Variants in MS4A5 observed in about 807,000 individuals in gnomAD.
The protein encoded by MS4A5 is membrane-spanning 4-domains subfamily A member 5.
In MS4A5, 15 loss-of-function variants were observed where a neutral mutation model predicts 18.2. The ratio of observed to expected loss-of-function variants is 0.83; its 90% confidence interval spans 0.55 to 1.27. The LOEUF is 1.27. Ranked by LOEUF, MS4A5 falls within the 50% of genes most tolerant of loss-of-function variation. MS4A5 has a pLI of 0.00. For synonymous variants in MS4A5, 89 were observed against 78.7 expected, an observed-to-expected ratio of 1.13 and a Z score of -0.69; for missense variants, 232 against 225.7, an observed-to-expected ratio of 1.03 and a Z score of -0.18.
intron 4 of MS4A5, among the ~76,000 whole-genome samples, chr11:60,442,277 A>C (rs1191923509): frequency 1.3e-5 from 2 of 152,248 alleles, no homozygotes; most frequent in Non-Finnish European, 2.9e-5. Flanking sequence ...TAGCTAATTA[A>C]CAAAGGCATT....
chr11:60,445,034 C>G (rs2086131982), intron 4 of MS4A5, among the ~76,000 whole-genome samples: 1 of 152,102 alleles, frequency 6.6e-6, no homozygotes, highest in South Asian at 2.1e-4. Context: ...AAAAGAACAA[C>G]CTACTGACAC....
At chr11:60,429,867 G>C (rs147966027) in intron 1 of MS4A5, 40 bp downstream of exon 1, 2 of 1,580,596 alleles carry the variant, frequency 1.3e-6, no homozygotes, top group Non-Finnish European at 8.6e-7. Context: ...TACTGAGGCA[G>C]GGGAAAGGCT....
Position 60,447,053 on chromosome 11 carries a change from CATGCT to C in MS4A5, c.493-578_493-574del, listed in dbSNP as rs1283989337. Among the ~76,000 whole-genome samples the C allele has an allele frequency of 5.0e-5, 7 of 139,408 alleles. No homozygotes were observed. The South Asian group carries it at 1.4e-3, about 27-fold the overall frequency. The allele number at this position is 139,408 out of a possible 152,430, so 91.5% of individuals were successfully genotyped here. On this transcript the variant is annotated intron_variant, in intron 4 of 4. Transcript: ENST00000300190. ...TATGCTATGCTATGCTATGCTATCC[CATGCT>C]ATGCTATGCTATGCTATCCTATGCT...
intron 4 of MS4A5, chr11:60,435,521 C>A (rs4245223): frequency 1.1e-3 from 434 of 384,532 alleles, no homozygotes; most frequent in African/African-American, 5.0e-3. Flanking sequence ...CTGAGGTACC[C>A]GGTTCATCTC....
In MS4A5 at chr11:60,430,777, CT is replaced by C. The variant is rs2086044361; in HGVS notation, c.154-14del. 1.2e-6 allele frequency: 2 copies of C among 1,607,826 alleles called. No homozygotes were observed. Among genetic ancestry groups the C allele is most frequent in the African/African-American group, 2.7e-5 (2 of 74,420 alleles). ...ATCACTTTGCTTTTCCTCACCATGA[CT>C]TTTTCCTCTATTTGCAGACTATCCA... On this transcript the variant is annotated intron_variant, in intron 1 of 4. Coordinates refer to ENST00000300190, the MANE Select transcript of MS4A5 (RefSeq NM_023945.3).
At chr11:60,445,456 C>T (rs962369240) in intron 4 of MS4A5, among the ~76,000 whole-genome samples, 4 of 152,060 alleles carry the variant, frequency 2.6e-5, no homozygotes, top group Non-Finnish European at 5.9e-5. Context: ...GATGGGGTTT[C>T]AGCATGTTGC....
intron 4 of MS4A5, 28 bp from the exon 5 acceptor site, chr11:60,447,621 A>T: frequency 3.9e-6 from 5 of 1,281,790 alleles, no homozygotes; most frequent in South Asian, 1.3e-5. Flanking sequence ...ATGACTCTTC[A>T]TTTTTTTTTC....
chr11:60,430,536 G>A (rs960900396), intron 1 of MS4A5, among the ~76,000 whole-genome samples: 1 of 152,162 alleles, frequency 6.6e-6, no homozygotes, highest in African/African-American at 2.4e-5. Context: ...CGCATTTCTA[G>A]CTCCCAAGTG....
intron 4 of MS4A5, among the ~76,000 whole-genome samples, chr11:60,438,423 C>T (rs1308166536): frequency 6.6e-6 from 1 of 151,848 alleles, no homozygotes; most frequent in African/African-American, 2.4e-5. Flanking sequence ...TAACTAAAAT[C>T]AGAGCAGAAC....
chr11:60,442,881 C>G (rs1213949716), intron 4 of MS4A5, among the ~76,000 whole-genome samples: 4 of 152,282 alleles, frequency 2.6e-5, no homozygotes, highest in African/African-American at 9.6e-5. Flanking sequence ...TGGCTCAGGC[C>G]TGTAATCCCA....
chr11:60,447,022 ATATGC>A (rs142168630), intron 4 of MS4A5, among the ~76,000 whole-genome samples: 8,185 of 148,542 alleles, frequency 0.055, 271 homozygotes, highest in South Asian at 0.15. Context: ...TAAAAAGATA[ATATGC>A]TATGCTATGC....
At chr11:60,434,794 GC>G (rs2086069695) in intron 4 of MS4A5, among the ~76,000 whole-genome samples, 1 of 152,154 alleles carries the variant, frequency 6.6e-6, no homozygotes, top group Non-Finnish European at 1.5e-5. Context: ...AGACCCATTT[GC>G]CAGTGATGCT....
At chr11:60,437,792 A>G (rs1180568069) in intron 4 of MS4A5, among the ~76,000 whole-genome samples, 4 of 151,182 alleles carry the variant, frequency 2.6e-5, no homozygotes, top group African/African-American at 9.7e-5. Context: ...AGTGACCTAC[A>G]AAGAGACTTA....
chr11:60,444,632 G>A (rs2086130146), intron 4 of MS4A5, among the ~76,000 whole-genome samples: 1 of 152,156 alleles, frequency 6.6e-6, no homozygotes, highest in East Asian at 1.9e-4. Context: ...AAGAAAGATA[G>A]ATAAATGGCT....
intron 2 of MS4A5, among the ~76,000 whole-genome samples, chr11:60,431,901 GC>G (rs1433504770): frequency 6.6e-6 from 1 of 152,172 alleles, no homozygotes; most frequent in Non-Finnish European, 1.5e-5. Flanking sequence ...ACATGGAAGT[GC>G]TGTAATCAGA....
intron 1 of MS4A5, among the ~76,000 whole-genome samples, chr11:60,430,172 A>G (rs1220783669): frequency 6.6e-6 from 1 of 152,046 alleles, no homozygotes; most frequent in Non-Finnish European, 1.5e-5. Flanking sequence ...CCATTTTTGT[A>G]TATTGTCCTC....
At chr11:60,446,733 CAAAA>C (rs1210889276) in intron 4 of MS4A5, among the ~76,000 whole-genome samples, 1 of 114,258 alleles carries the variant, frequency 8.8e-6, no homozygotes, top group African/African-American at 3.2e-5. Context: ...AACTCCGTCT[CAAAA>C]AAAAAAAAAA....
In MS4A5 at chr11:60,432,419, T is replaced by G; in HGVS notation, c.291T>G (p.Asn97Lys). The change falls in exon 3 of 5, where the codon AAT becomes AAG. Residue 97 changes from asparagine (N) to lysine (K), a missense_variant. Coordinates refer to ENST00000300190, the MANE Select transcript of MS4A5 (RefSeq NM_023945.3). ...TTTATTCCTCTTAACAGTTCATTAA[T>G]TCTGGAGCCTTCCTAATTGCAGTGA... is the stretch of plus-strand genomic sequence containing the variant. The part of the protein sequence containing the change: ...YPFWGSVLFI[N>K]SGAFLIAVKR... The G allele has an allele frequency of 6.3e-7, 1 of 1,588,958 alleles. No individual in the cohort carries two copies. Among genetic ancestry groups the G allele is most frequent in the Non-Finnish European group, 8.6e-7 (1 of 1,159,774 alleles).
intron 4 of MS4A5, among the ~76,000 whole-genome samples, chr11:60,434,673 T>C (rs2135172716): frequency 6.6e-6 from 1 of 152,214 alleles, no homozygotes; most frequent in Admixed American, 6.5e-5. Context: ...CTTAAAGACA[T>C]TAAAAAGCTG....
Sources: gnomAD v4.1 joint callset for allele counts (sites outside exome capture counted in the v4.1 genomes callset) on GRCh38, gnomAD v4.1.1 for gene constraint, MANE v1.5 for transcripts, NCBI Gene and HGNC (gene_info 2026-07-23, HGNC 2026-07-21) for gene names.